STK3: variants seen among roughly 807,000 people sequenced by gnomAD.
STK3 encodes serine/threonine kinase 3, also known as serine/threonine-protein kinase 3.
In STK3, 41 loss-of-function variants were observed where a neutral mutation model predicts 58.0. The observed-to-expected ratio is 0.71, with a 90% CI of 0.55 to 0.92. The LOEUF is 0.92. Ranked by LOEUF, STK3 falls within the 40% of genes least tolerant of loss-of-function variation. STK3 has a pLI of 0.00. For synonymous variants in STK3, 170 were observed against 191.0 expected (o/e 0.89, Z 0.91); for missense variants, 479 against 602.7 (o/e 0.79, Z 2.15).
intron 10 of STK3, among the ~76,000 whole-genome samples, chr8:98,478,901 T>C (rs1258018998): frequency 1.3e-5 from 2 of 152,204 alleles, no homozygotes; most frequent in Non-Finnish European, 2.9e-5. Flanking sequence ...ATTTACGAGC[T>C]TCTGTCGTTA....
intron 1 of STK3, among the ~76,000 whole-genome samples, chr8:98,941,580 C>G (rs1564118759): frequency 1.3e-5 from 2 of 152,250 alleles, no homozygotes; most frequent in Non-Finnish European, 2.9e-5. Flanking sequence ...GGCGCGCGGT[C>G]CGAGTGGGAG....
intron 2 of STK3, among the ~76,000 whole-genome samples, chr8:98,378,632 T>C (rs941354018): frequency 9.2e-5 from 14 of 152,216 alleles, no homozygotes; most frequent in African/African-American, 3.4e-4. Flanking sequence ...GAATAAATGA[T>C]AGCTGTTTTT....
chr8:98,698,902 T>C lies in STK3; in HGVS notation c.684+7565A>G, dbSNP rs1352180326. Among the ~76,000 whole-genome samples, 24 of 152,016 alleles carry C rather than the reference T, an allele frequency of 1.6e-4. No homozygotes were observed. The East Asian group carries it at 3.5e-3, about 22-fold the overall frequency. On this transcript the variant is annotated intron_variant, in intron 6 of 10. Coordinates refer to ENST00000419617, the MANE Select transcript of STK3 (RefSeq NM_006281.4). ...ATTCTCTGTATTTCCTGAATCTGAA[T>C]GTTGGCCTGCCTTGCTAGATTGGGG...
intron 10 of STK3, among the ~76,000 whole-genome samples, chr8:98,462,082 A>G (rs1820030638): frequency 6.6e-6 from 1 of 152,214 alleles, no homozygotes; most frequent in Non-Finnish European, 1.5e-5. Flanking sequence ...TATCCTTTGA[A>G]TACGATCCAA....
chr8:98,729,593 A>G (rs1321283080), intron 4 of STK3, among the ~76,000 whole-genome samples: 1 of 152,238 alleles, frequency 6.6e-6, no homozygotes, highest in Admixed American at 6.5e-5. Flanking sequence ...TACATCTGGT[A>G]GATGATCATG....
chr8:98,896,534 G>A (rs1055445772), intron 1 of STK3, among the ~76,000 whole-genome samples: 2 of 152,122 alleles, frequency 1.3e-5, no homozygotes, highest in African/African-American at 2.4e-5. Context: ...ACAAACAGTA[G>A]CCTTGTCATA....
chr8:98,522,682 C>T (rs1401431055), intron 10 of STK3, among the ~76,000 whole-genome samples: 1 of 152,176 alleles, frequency 6.6e-6, no homozygotes, highest in African/African-American at 2.4e-5. Context: ...AAAACGGAAA[C>T]TCTGTACCCA....
downstream of STK3, among the ~76,000 whole-genome samples, chr8:98,449,893 C>T (rs116340293): frequency 5.7e-3 from 875 of 152,272 alleles, 7 homozygotes; most frequent in African/African-American, 0.019. Flanking sequence ...CAAACACACT[C>T]GCTTTCCCTT....
At position 98,531,500 on chromosome 8, in the gene STK3, A is replaced by G. The variant is rs1586793705; in HGVS notation, c.1142-4583T>C. Reference sequence around the variant, plus strand: ...GCTGCCATCCAGGCTTCATTATTCCATTTATAGAGCACAGGCAGAGCAGAA... The same window carrying G: ...GCTGCCATCCAGGCTTCATTATTCCGTTTATAGAGCACAGGCAGAGCAGAA... On this transcript the variant is annotated intron_variant, in intron 9 of 10. Coordinates refer to ENST00000419617, the MANE Select transcript of STK3 (RefSeq NM_006281.4). Among the ~76,000 whole-genome samples, 7 of 152,298 alleles carry G rather than the reference A, an allele frequency of 4.6e-5. No individual in the cohort carries two copies. The South Asian group carries it at 1.5e-3, about 32-fold the overall frequency.
At chr8:98,416,505 C>T (rs1426709422) in intron 3 of STK3, among the ~76,000 whole-genome samples, 3 of 151,874 alleles carry the variant, frequency 2.0e-5, no homozygotes, top group Non-Finnish European at 4.4e-5. Flanking sequence ...AAGAGAGGAC[C>T]GCTCCTTCTC....
At chr8:98,702,353 T>C (rs1346303454) in intron 6 of STK3, among the ~76,000 whole-genome samples, 1 of 152,194 alleles carries the variant, frequency 6.6e-6, no homozygotes, top group Non-Finnish European at 1.5e-5. Flanking sequence ...TAACTGCAAA[T>C]TTCCAATTTA....
At chr8:98,743,163 T>G (rs561718204) in intron 4 of STK3, among the ~76,000 whole-genome samples, 12 of 150,918 alleles carry the variant, frequency 8.0e-5, no homozygotes, top group Admixed American at 1.3e-4. Flanking sequence ...GCCCAAGGTA[T>G]TTTATAGATT....
chr8:98,653,648 G>T (rs1821181861), intron 6 of STK3, among the ~76,000 whole-genome samples: 1 of 152,084 alleles, frequency 6.6e-6, no homozygotes, highest in Non-Finnish European at 1.5e-5. Context: ...TGATAAAGGG[G>T]ATATCACGAC....
chr8:98,436,044 T>C (rs1033464708), intron 2 of STK3, among the ~76,000 whole-genome samples: 1 of 152,178 alleles, frequency 6.6e-6, no homozygotes, highest in Non-Finnish European at 1.5e-5. Flanking sequence ...GTCCTGATGG[T>C]CACCAGTGCT....
intron 1 of STK3, among the ~76,000 whole-genome samples, chr8:98,903,506 T>C (rs1289825586): frequency 1.7e-4 from 5 of 30,064 alleles, no homozygotes; most frequent in African/African-American, 7.2e-4. Context: ...CTTCTTCTTC[T>C]TCTTCTTCTT....
chr8:98,891,860 C>T (rs1838212985), intron 1 of STK3, among the ~76,000 whole-genome samples: 1 of 152,092 alleles, frequency 6.6e-6, no homozygotes, highest in Non-Finnish European at 1.5e-5. Flanking sequence ...TAGGTGAAAA[C>T]TGCCAATACC....
At chr8:98,429,742 C>T (rs886426742) in intron 3 of STK3, 4 of 270,374 alleles carry the variant, frequency 1.5e-5, no homozygotes, top group Admixed American at 4.9e-5. Flanking sequence ...GTGCTTGTGG[C>T]CCAGTACTGT....
At chr8:98,363,467 C>G in the STK3 span, among the ~76,000 whole-genome samples, 1 of 152,156 alleles carries the variant, frequency 6.6e-6, no homozygotes, top group Admixed American at 6.5e-5. Context: ...CTGTGCTCCC[C>G]CAAGGACCAT....
At chr8:98,582,788 T>A (rs1814034532) in intron 7 of STK3, among the ~76,000 whole-genome samples, 1 of 152,174 alleles carries the variant, frequency 6.6e-6, no homozygotes, top group Non-Finnish European at 1.5e-5. Context: ...TTATTAAACA[T>A]AAAATTTGAT....
Sources: gnomAD v4.1 joint callset for allele counts (sites outside exome capture counted in the v4.1 genomes callset) on GRCh38, gnomAD v4.1.1 for gene constraint, MANE v1.5 for transcripts, NCBI Gene and HGNC (gene_info 2026-07-23, HGNC 2026-07-21) for gene names.